The following KDR variants were observed in gnomAD, a reference collection of about 807,000 sequenced individuals.
KDR encodes kinase insert domain receptor.
A neutral mutation model predicts 160.9 loss-of-function variants in KDR; 43 were observed. The ratio of observed to expected loss-of-function variants is 0.27; its 90% CI spans 0.21 to 0.34. The LOEUF (loss-of-function observed/expected upper bound fraction) is 0.34, where lower values mean the gene tolerates loss of function less well. KDR is among the 10% of genes least tolerant of loss of function. The probability of loss-of-function intolerance (pLI) is 1.00; values close to 1 mark genes in which losing one functional copy is unlikely to be tolerated. For synonymous variants in KDR, 617 were observed against 600.1 expected (o/e 1.03, Z -0.41); for missense variants, 1,469 against 1,666.4 (o/e 0.88, Z 2.06).
intron 11 of KDR, among the ~76,000 whole-genome samples, chr4:55,106,167 A>G (rs1720441713): frequency 6.6e-6 from 1 of 152,056 alleles, no homozygotes; most frequent in African/African-American, 2.4e-5. Context: ...GGATTTTGGA[A>G]TATTTGCATT....
intron 27 of KDR, among the ~76,000 whole-genome samples, chr4:55,083,871 G>C (rs1403886721): frequency 6.6e-6 from 1 of 152,174 alleles, no homozygotes; most frequent in Non-Finnish European, 1.5e-5. Context: ...CAAGTTAAGA[G>C]GATATGATAC....
At chr4:55,089,307 A>G (rs1719946604) in intron 25 of KDR, 67 bp downstream of exon 25, 3 of 1,152,246 alleles carry the variant, frequency 2.6e-6, no homozygotes. Context: ...TATAATGGAA[A>G]GTCTTCCAGG....
intron 1 of KDR, among the ~76,000 whole-genome samples, chr4:55,124,540 C>T (rs1720980800): frequency 6.6e-6 from 1 of 152,172 alleles, no homozygotes; most frequent in South Asian, 2.1e-4. Context: ...ATGTGCAATG[C>T]TTTACGCAGG....
In KDR at chr4:55,111,484, C is replaced by G. The variant is rs188248133; in HGVS notation, c.977-716G>C. The stretch of plus-strand genomic sequence containing the variant: ...CAGCGGACCCTGTTGACTCTACCTT[C>G]AAAATATATCCAGAAGCAGATCACC... On this transcript the variant is annotated intron_variant, in intron 7 of 29. Transcript: ENST00000263923. Among the ~76,000 whole-genome samples, 8 of 152,246 alleles carry G rather than the reference C, an allele frequency of 5.3e-5. No homozygotes were observed. In the East Asian group the frequency reaches 1.4e-3, roughly 26 times the overall value.
chr4:55,090,149 G>T, intron 22 of KDR, 71 bp from the exon 23 acceptor site: 2 of 1,579,028 alleles, frequency 1.3e-6, no homozygotes, highest in Non-Finnish European at 8.7e-7. Context: ...GTGACCTCAT[G>T]CATCAAAAAA....
At chr4:55,109,737 T>G (rs896305962) in intron 9 of KDR, among the ~76,000 whole-genome samples, 3 of 152,156 alleles carry the variant, frequency 2.0e-5, no homozygotes, top group African/African-American at 7.2e-5. Context: ...CACATCACCT[T>G]AGCACCTCTC....
At chr4:55,093,409 C>T (rs1045493491) in intron 21 of KDR, among the ~76,000 whole-genome samples, 4 of 152,210 alleles carry the variant, frequency 2.6e-5, no homozygotes, top group African/African-American at 4.8e-5. Context: ...AGACTTATGG[C>T]TTCTTTCCTG....
rs1216409420 is a variant in KDR, at chr4:55,080,276, C to T, written c.3849-113G>A. ...GCTGCCATCTCCCTGGAGACCGCAG[C>T]CCCGTATCTCTCCCAGTTGTTAATC... On this transcript the variant is annotated intron_variant, in intron 29 of 29. Transcript: ENST00000263923. 1.4e-5 allele frequency: 12 copies of T among 851,620 alleles called. No individual in the cohort carries two copies. The Admixed American group carries it at 2.4e-4, about 17-fold the overall frequency. The allele number at this position is 851,620 out of a possible 1,614,324, so 52.8% of individuals were successfully genotyped here. A position where few individuals can be genotyped will look rare whatever the true frequency, so the allele number is the denominator to read the frequency against.
chr4:55,120,261 C>T (rs1720836412), intron 2 of KDR, among the ~76,000 whole-genome samples: 4 of 152,094 alleles, frequency 2.6e-5, no homozygotes, highest in Admixed American at 2.6e-4. Context: ...CCTTTGTGGA[C>T]CCCCAGCACT....
Position 55,104,779 on chromosome 4 carries a change from G to A in KDR, c.1851C>T (p.Phe617=), listed in dbSNP as rs2110023083. Residue 617 remains phenylalanine (F), a synonymous_variant, in exon 13 of 30, where the codon TTC becomes TTT. Transcript: ENST00000263923. The stretch of plus-strand genomic sequence containing the variant: ...TCAAAATGTCATTTGTGCTATTAGA[G>A]AACATGGTGGCATTCAATTTCCAAA... ...DTLWKLNATM[F]SNSTNDILIM... is the part of the protein sequence containing the mutation. 6.2e-7 allele frequency: 1 copy of A among 1,613,948 alleles called. No homozygotes were observed.
intron 7 of KDR, among the ~76,000 whole-genome samples, chr4:55,112,554 G>C (rs1278099894): frequency 7.7e-6 from 1 of 129,212 alleles, no homozygotes; most frequent in Non-Finnish European, 1.6e-5. Context: ...TTGAGAAGGA[G>C]TTTCACTCTT....
At chr4:55,097,506 G>T (rs1301968700) in intron 18 of KDR, among the ~76,000 whole-genome samples, 156 bp downstream of exon 18, 1 of 152,086 alleles carries the variant, frequency 6.6e-6, no homozygotes, top group African/African-American at 2.4e-5. Flanking sequence ...TACAAAGGAG[G>T]ATCCTTTTTC....
chr4:55,112,361 C>T (rs549239718), intron 7 of KDR, among the ~76,000 whole-genome samples: 16 of 152,004 alleles, frequency 1.1e-4, no homozygotes, highest in Non-Finnish European at 2.2e-4. Flanking sequence ...TTACAATTTT[C>T]TTAATAACAT....
intron 9 of KDR, among the ~76,000 whole-genome samples, chr4:55,108,810 T>G (rs1720504567): frequency 6.6e-6 from 1 of 151,956 alleles, no homozygotes; most frequent in Non-Finnish European, 1.5e-5. Flanking sequence ...GACTCCAAAG[T>G]CAAAACTATT....
intron 14 of KDR, 83 bp from the exon 15 acceptor site, chr4:55,102,111 G>A: frequency 1.9e-6 from 3 of 1,566,816 alleles, no homozygotes; most frequent in Non-Finnish European, 2.6e-6. Context: ...AAATATAAAT[G>A]CTGCCCTTCA....
chr4:55,101,806 T>C (rs1720315758), intron 15 of KDR, 91 bp downstream of exon 15: 3 of 1,124,248 alleles, frequency 2.7e-6, no homozygotes, highest in Admixed American at 1.8e-5. Flanking sequence ...GCTCCATCCA[T>C]GCAGCTGCAA....
chr4:55,082,787 C>T (rs1578125254), intron 27 of KDR, 152 bp from the exon 28 acceptor site: 6 of 660,484 alleles, frequency 9.1e-6, no homozygotes, highest in Middle Eastern at 3.5e-4. Flanking sequence ...TCTCTGCTAG[C>T]ACACATGGAA....
Position 55,125,394 on chromosome 4 carries a change from C to G in KDR, c.-101G>C, listed in dbSNP as rs992202858. ...GGCGCGGAGGTGGAACTCGCGGCAC[C>G]CCGCAGCGCAGGACAGTTGAGCGCA... On this transcript the variant is annotated 5_prime_UTR_variant, in exon 1 of 30. Transcript: ENST00000263923. 23 of 1,422,010 alleles carry G rather than the reference C, an allele frequency of 1.6e-5. No individual in the cohort carries two copies. The highest frequency in any genetic ancestry group is 7.4e-5 in the East Asian group (3 of 40,452). 88.1% of individuals were successfully genotyped at this position (1,422,010 alleles called of 1,614,324 possible).
intron 3 of KDR, 83 bp from the exon 4 acceptor site, chr4:55,115,494 C>T (rs1438294191): frequency 3.9e-6 from 3 of 765,528 alleles, no homozygotes; most frequent in African/African-American, 1.7e-5. Context: ...AAACTCTAAC[C>T]AGACAAGTGA....
Sources: allele counts gnomAD v4.1 joint callset (sites outside exome capture counted in the v4.1 genomes callset), GRCh38; gene constraint gnomAD v4.1.1; transcripts MANE v1.5; gene names NCBI Gene and HGNC (gene_info 2026-07-23, HGNC 2026-07-21).